The following BTBD10 variants were observed in gnomAD, a reference collection of about 807,000 sequenced individuals.
The protein encoded by BTBD10 is BTB/POZ domain-containing protein 10.
A neutral mutation model predicts 53.2 loss-of-function variants in BTBD10; 21 were observed. That is an observed-to-expected ratio of 0.39 (90% CI 0.28 to 0.57). The LOEUF is 0.57. Ranked by LOEUF, BTBD10 falls within the 20% of genes least tolerant of loss-of-function variation. BTBD10 has a pLI of 0.53. For synonymous variants in BTBD10, 149 were observed against 192.7 expected (o/e 0.77, Z 1.88); for missense variants, 360 against 594.7 (o/e 0.61, Z 4.10).
At chr11:13,421,543 T>C (rs1204461150) in intron 3 of BTBD10, 99 bp downstream of exon 3, 8 of 1,011,648 alleles carry the variant, frequency 7.9e-6, no homozygotes, top group East Asian at 2.7e-5. Context: ...CAGCTAATTT[T>C]ACTCTGCAGT....
intron 1 of BTBD10, among the ~76,000 whole-genome samples, chr11:13,459,087 C>G (rs1449426881): frequency 1.4e-5 from 2 of 146,116 alleles, no homozygotes; most frequent in Non-Finnish European, 3.0e-5. Context: ...GACGGAGTCT[C>G]GCTCTGTCGC....
At chr11:13,390,101 AG>A (rs1471749078) in intron 8 of BTBD10, among the ~76,000 whole-genome samples, 84 of 108,876 alleles carry the variant, frequency 7.7e-4, no homozygotes, top group African/African-American at 2.2e-3. Context: ...AAAAAAAATT[AG>A]TTATTTACTA....
At position 13,440,154 on chromosome 11, in the gene BTBD10, A is replaced by G. The variant is rs1039215950; in HGVS notation, c.101+4870T>C. 5 of 1,492,924 alleles carry G rather than the reference A, an allele frequency of 3.3e-6. No homozygotes were observed. The African/African-American group carries it at 4.2e-5, about 12-fold the overall frequency. The allele number at this position is 1,492,924 out of a possible 1,614,324, so 92.5% of individuals were successfully genotyped here. A position where few individuals can be genotyped will look rare whatever the true frequency, so the allele number is the denominator to read the frequency against. ...TCTACTGTGTAATAATGCTGTTGCA[A>G]TATTTAGGCTTTAAATATTCAGAGA... On this transcript the variant is annotated intron_variant, in intron 2 of 8. Coordinates refer to ENST00000278174, the MANE Select transcript of BTBD10 (RefSeq NM_032320.7).
chr11:13,413,552 G>A lies in BTBD10; in HGVS notation c.786C>T (p.Ser262=). Residue 262 remains serine (S), a synonymous_variant, in exon 6 of 9, where the codon AGC becomes AGT. Transcript: ENST00000278174. Reference sequence around the variant, plus strand: ...TACTGAGATCTCTACATTTAATAGTGCTATATTCAAAAGAGATACAAAGAT... The same window carrying A: ...TACTGAGATCTCTACATTTAATAGTACTATATTCAAAAGAGATACAAAGAT... ...CDYLCISFEY[S]TIKCRDLSAL... 1 of 1,608,824 alleles carries A rather than the reference G, an allele frequency of 6.2e-7. No individual in the cohort carries two copies. Among genetic ancestry groups the A allele is most frequent in the Non-Finnish European group, 8.5e-7 (1 of 1,177,270 alleles).
At chr11:13,428,894 A>T (rs796911103) in intron 2 of BTBD10, among the ~76,000 whole-genome samples, 20 of 152,276 alleles carry the variant, frequency 1.3e-4, no homozygotes, top group African/African-American at 4.3e-4. Flanking sequence ...AAAAAAGGTT[A>T]CTAGAACCAA....
chr11:13,446,840 T>TA (rs1378221615), intron 1 of BTBD10, among the ~76,000 whole-genome samples: 4 of 152,036 alleles, frequency 2.6e-5, no homozygotes, highest in Non-Finnish European at 5.9e-5. Context: ...AAAAAACTTA[T>TA]AAAAAACCTC....
chr11:13,412,251 C>T (rs1949971592), intron 6 of BTBD10, among the ~76,000 whole-genome samples: 1 of 152,068 alleles, frequency 6.6e-6, no homozygotes, highest in African/African-American at 2.4e-5. Context: ...CTCAGGAGTT[C>T]AAGACCAACC....
rs150760050 is a variant in BTBD10, at chr11:13,393,306, T to C, written c.1118-4165A>G. On this transcript the variant is annotated intron_variant, in intron 8 of 8. Transcript: ENST00000278174. ...TTCACCTTTTCTCACATATCCAAGT[T>C]CTCTCTGGTCCTCCTCATGTCTCTT... is the stretch of plus-strand genomic sequence containing the variant. Among the ~76,000 whole-genome samples the C allele has an allele frequency of 9.5e-4, 145 of 152,286 alleles. 2 individuals carry two copies. The East Asian group carries it at 0.024, about 25-fold the overall frequency.
intron 8 of BTBD10, among the ~76,000 whole-genome samples, chr11:13,399,420 G>T (rs1280668232): frequency 6.6e-6 from 1 of 152,100 alleles, no homozygotes; most frequent in African/African-American, 2.4e-5. Context: ...GAACTTCTCT[G>T]CATTGGTTAT....
At chr11:13,456,284 A>T (rs1250298013) in intron 1 of BTBD10, among the ~76,000 whole-genome samples, 1 of 152,216 alleles carries the variant, frequency 6.6e-6, no homozygotes, top group Admixed American at 6.5e-5. Flanking sequence ...GAGCCCTAAA[A>T]CATAAAGAAC....
At chr11:13,422,344 GT>G (rs1565250066) in intron 2 of BTBD10, among the ~76,000 whole-genome samples, 1 of 151,770 alleles carries the variant, frequency 6.6e-6, no homozygotes, top group East Asian at 1.9e-4. Context: ...TTTTTTTAAA[GT>G]TTTTCTGAAA....
At position 13,436,127 on chromosome 11, in the gene BTBD10, C is replaced by T. The variant is rs1017076231; in HGVS notation, c.101+8897G>A. ...TGAATCTTCATCTACAAAGTGTCCT[C>T]GAATTGGCTGACCTACTGCTAATGA... On this transcript the variant is annotated intron_variant, in intron 2 of 8. Coordinates refer to ENST00000278174, the MANE Select transcript of BTBD10 (RefSeq NM_032320.7). Among the ~76,000 whole-genome samples, 6 of 152,276 alleles carry T rather than the reference C, an allele frequency of 3.9e-5. No individual in the cohort carries two copies. The East Asian group carries it at 5.8e-4, about 15-fold the overall frequency.
chr11:13,421,414 C>T (rs1198374514), intron 3 of BTBD10, among the ~76,000 whole-genome samples: 2 of 152,132 alleles, frequency 1.3e-5, no homozygotes, highest in African/African-American at 4.8e-5. Context: ...TTTTCAATTA[C>T]TTATTTTATA....
At chr11:13,434,437 G>C (rs1232723835) in intron 2 of BTBD10, among the ~76,000 whole-genome samples, 2 of 152,174 alleles carry the variant, frequency 1.3e-5, no homozygotes, top group African/African-American at 4.8e-5. Context: ...AAATGCAAAG[G>C]CCCTGTGGTA....
Position 13,431,795 on chromosome 11 carries a change from A to T in BTBD10, c.102-9957T>A, listed in dbSNP as rs1950452654. 1.3e-5 allele frequency among the ~76,000 whole-genome samples: 2 copies of T among 152,156 alleles called. 1 individual carries two copies. The highest frequency in any genetic ancestry group is 1.3e-4 in the Admixed American group (2 of 15,268). ...CCTAATTTGTTTAAAAATTCTAATT[A>T]CAGCAACAGTTTTCAATGGCAGGCA... On this transcript the variant is annotated intron_variant, in intron 2 of 8. Transcript: ENST00000278174.
intron 2 of BTBD10, among the ~76,000 whole-genome samples, chr11:13,431,600 G>A (rs1591146251): frequency 6.6e-6 from 1 of 152,094 alleles, no homozygotes; most frequent in South Asian, 2.1e-4. Flanking sequence ...TGAATCAACA[G>A]GCAGTAAAGT....
chr11:13,405,508 C>T lies in BTBD10; in HGVS notation c.1006+151G>A, dbSNP rs542253246. ...CAACTCTGCCACTGTAGCATGAAAGCAGCCATAGGCAATACATAAAACTTA... is the reference window on the plus strand; with the variant it reads ...CAACTCTGCCACTGTAGCATGAAAGTAGCCATAGGCAATACATAAAACTTA... On this transcript the variant is annotated intron_variant, in intron 7 of 8. Transcript: ENST00000278174. 9 of 750,410 alleles carry T rather than the reference C, an allele frequency of 1.2e-5. No homozygotes were observed. In the East Asian group the frequency reaches 2.2e-4, roughly 18 times the overall value. The allele number at this position is 750,410 out of a possible 1,614,324, so 46.5% of individuals were successfully genotyped here.
intron 1 of BTBD10, among the ~76,000 whole-genome samples, chr11:13,450,323 A>G (rs1950834330): frequency 6.6e-6 from 1 of 152,152 alleles, no homozygotes; most frequent in African/African-American, 2.4e-5. Context: ...GAGCAAATTA[A>G]TCACTTGATA....
chr11:13,431,209 T>C (rs1373273888), intron 2 of BTBD10, among the ~76,000 whole-genome samples: 1 of 152,156 alleles, frequency 6.6e-6, no homozygotes, highest in Non-Finnish European at 1.5e-5. Flanking sequence ...CCAATCTACA[T>C]AGATTTTTGC....
Sources: gnomAD v4.1 joint callset for allele counts (sites outside exome capture counted in the v4.1 genomes callset) on GRCh38, gnomAD v4.1.1 for gene constraint, MANE v1.5 for transcripts, NCBI Gene and HGNC (gene_info 2026-07-23, HGNC 2026-07-21) for gene names.